The following HFM1 variants were observed in gnomAD, a reference collection of about 807,000 sequenced individuals.
HFM1 encodes probable ATP-dependent DNA helicase HFM1.
In HFM1, 169 loss-of-function variants were observed where a neutral mutation model predicts 192.1. That is an observed-to-expected ratio of 0.88 (90% CI 0.78 to 1.00). HFM1 has a LOEUF of 1.00. Among genes scored for constraint, HFM1 ranks in the 50% least tolerant of loss-of-function variants. The pLI, the probability that HFM1 is intolerant of heterozygous loss-of-function variation, is 0.00. For missense variants in HFM1, 1,661 were observed against 1,668.0 expected (o/e 1.00, Z 0.07); for synonymous variants, 525 against 537.8 (o/e 0.98, Z 0.33).
chr1:91,344,666 G>GCA (rs1655872081), intron 19 of HFM1, among the ~76,000 whole-genome samples: 1 of 748 alleles, frequency 1.3e-3, no homozygotes, highest in Admixed American at 0.02. Flanking sequence ...GAATGACTGT[G>GCA]TAATTTTAAA....
intron 13 of HFM1, among the ~76,000 whole-genome samples, chr1:91,364,918 C>A (rs1040217752): frequency 6.6e-6 from 1 of 151,806 alleles, no homozygotes; most frequent in African/African-American, 2.4e-5. Flanking sequence ...CAGGCGTGAG[C>A]CACCGCGCCT....
intron 30 of HFM1, among the ~76,000 whole-genome samples, chr1:91,286,918 G>T (rs9660037): frequency 0.096 from 14,611 of 152,198 alleles, 738 homozygotes; most frequent in East Asian, 0.16. Flanking sequence ...CTGGAAAATT[G>T]GGTCACTCCC....
In HFM1 at chr1:91,353,169, T is replaced by C. The variant is rs1557898993; in HGVS notation, c.1730-17A>G. 2 of 1,571,874 alleles carry C rather than the reference T, an allele frequency of 1.3e-6. No individual in the cohort carries two copies. Among genetic ancestry groups the C allele is most frequent in the Non-Finnish European group, 1.7e-6 (2 of 1,143,244 alleles). On this transcript the variant is annotated splice_polypyrimidine_tract_variant and intron_variant, in intron 14 of 38. Transcript: ENST00000370425. ...TTAAGATATCTGTAATAGAAATATA[T>C]CAGCTGTTACTATTAATATTTCATC...
At chr1:91,384,421 A>G (rs1229661439) in intron 6 of HFM1, among the ~76,000 whole-genome samples, 1 of 152,156 alleles carries the variant, frequency 6.6e-6, no homozygotes, top group East Asian at 1.9e-4. Flanking sequence ...AAATATTTAC[A>G]CTGGAAATGT....
Position 91,329,494 on chromosome 1 carries a change from C to A in HFM1, c.2336-4728G>T. 4 of 1,548,312 alleles carry A rather than the reference C, an allele frequency of 2.6e-6. No individual in the cohort carries two copies. In the South Asian group the frequency reaches 3.5e-5, roughly 14 times the overall value. Reference sequence around the variant, plus strand: ...AAGAAGAAGGCAAAGACTGGGGCAGCAAGGAAGTTTAAAAGGGGAAAATAA... The same window carrying A: ...AAGAAGAAGGCAAAGACTGGGGCAGAAAGGAAGTTTAAAAGGGGAAAATAA... On this transcript the variant is annotated intron_variant, in intron 20 of 38. Coordinates refer to ENST00000370425, the MANE Select transcript of HFM1 (RefSeq NM_001017975.6).
chr1:91,399,379 AT>A (rs967680990), intron 2 of HFM1, among the ~76,000 whole-genome samples: 1 of 152,116 alleles, frequency 6.6e-6, no homozygotes, highest in Non-Finnish European at 1.5e-5. Flanking sequence ...CTACAGTTTT[AT>A]TTTTACGTCC....
intron 34 of HFM1, among the ~76,000 whole-genome samples, chr1:91,270,418 GAT>G (rs1666172513): frequency 6.6e-6 from 1 of 152,050 alleles, no homozygotes; most frequent in Non-Finnish European, 1.5e-5. Flanking sequence ...CTGTTAGGTG[GAT>G]ATGTCCAGGA....
chr1:91,284,239 ATAT>A (rs1260093183), intron 30 of HFM1, among the ~76,000 whole-genome samples: 62 of 150,686 alleles, frequency 4.1e-4, no homozygotes, highest in African/African-American at 1.1e-3. Flanking sequence ...TATTATTATT[ATAT>A]TATTATTATT....
rs372526680 is a variant in HFM1, at chr1:91,294,249, G to GA, written c.3392-17188dup. Among the ~76,000 whole-genome samples, 391 of 145,676 alleles carry GA rather than the reference G, an allele frequency of 2.7e-3. 1 individual carries two copies. The highest frequency in any genetic ancestry group is 8.7e-3 in the African/African-American group (348 of 39,810). ...TCAAAATAAAATAATGCCAAAGAAGGAAAAAAAAAAGATCACATTCACAGG... is the reference window on the plus strand; with the variant it reads ...TCAAAATAAAATAATGCCAAAGAAGGAAAAAAAAAAAGATCACATTCACAGG... On this transcript the variant is annotated intron_variant, in intron 30 of 38. Transcript: ENST00000370425.
At position 91,350,865 on chromosome 1, in the gene HFM1, G is replaced by A. The variant is rs777253669; in HGVS notation, c.2079C>T (p.His693=). ...ACRDTVESSL[H]RHLIEHLNAE... is the part of the protein sequence containing the mutation. ...CATTTAAATGTTCAATAAGATGTCT[G>A]TGCAAACTAATGAAAAAAAACTTTG... Residue 693 remains histidine, a synonymous_variant, in exon 18 of 39, where the codon CAC becomes CAT. Transcript: ENST00000370425. 3.2e-6 allele frequency: 5 copies of A among 1,569,748 alleles called. No homozygotes were observed. In the South Asian group the frequency reaches 3.6e-5, roughly 11 times the overall value.
intron 30 of HFM1, among the ~76,000 whole-genome samples, chr1:91,307,495 C>A (rs1649802630): frequency 1.3e-5 from 2 of 152,168 alleles, no homozygotes; most frequent in Admixed American, 1.3e-4. Context: ...CTCTGTTACC[C>A]AGGCTGGAGT....
At chr1:91,332,213 A>C (rs781496067) in intron 20 of HFM1, among the ~76,000 whole-genome samples, 10 of 152,206 alleles carry the variant, frequency 6.6e-5, no homozygotes, top group Non-Finnish European at 1.2e-4. Flanking sequence ...TATACTACAG[A>C]GCTATAGTAA....
chr1:91,314,200 T>C (rs1164467075), intron 28 of HFM1, 140 bp from the exon 29 acceptor site: 6 of 531,898 alleles, frequency 1.1e-5, no homozygotes, highest in African/African-American at 1.9e-5. Context: ...TCCCCAACTT[T>C]TAAGGAGGGA....
intron 21 of HFM1, among the ~76,000 whole-genome samples, chr1:91,323,449 T>C (rs577040459): frequency 1.3e-5 from 2 of 152,284 alleles, no homozygotes; most frequent in Admixed American, 1.3e-4. Flanking sequence ...AATAAAACTT[T>C]AAAGATTAAC....
chr1:91,401,195 TCC>T, intron 1 of HFM1, 86 bp from the exon 2 acceptor site: 1 of 638,880 alleles, frequency 1.6e-6, no homozygotes, highest in South Asian at 2.0e-5. Context: ...TTCCACAGTC[TCC>T]TGTAAAATAT....
intron 36 of HFM1, among the ~76,000 whole-genome samples, chr1:91,265,203 T>G (rs1570709573): frequency 6.6e-6 from 1 of 152,308 alleles, no homozygotes; most frequent in Middle Eastern, 3.4e-3. Flanking sequence ...TCTCACTGCC[T>G]ACCATACAGG....
intron 11 of HFM1, among the ~76,000 whole-genome samples, chr1:91,376,992 A>ACT (rs1660981706): frequency 6.6e-6 from 1 of 151,786 alleles, no homozygotes; most frequent in South Asian, 2.1e-4. Context: ...GAAATAACTT[A>ACT]ATCTTCCATT....
At chr1:91,282,566 G>A (rs1438711582) in intron 30 of HFM1, among the ~76,000 whole-genome samples, 1 of 151,972 alleles carries the variant, frequency 6.6e-6, no homozygotes, top group African/African-American at 2.4e-5. Context: ...TCACCTATGA[G>A]AAAATTAATT....
chr1:91,277,907 A>ATT (rs1557767563), intron 30 of HFM1, among the ~76,000 whole-genome samples: 1 of 133,134 alleles, frequency 7.5e-6, no homozygotes, highest in African/African-American at 2.8e-5. Flanking sequence ...GCTTATATAT[A>ATT]ATATATACAC....
Sources: gnomAD v4.1 joint callset for allele counts (sites outside exome capture counted in the v4.1 genomes callset) on GRCh38, gnomAD v4.1.1 for gene constraint, MANE v1.5 for transcripts, NCBI Gene and HGNC (gene_info 2026-07-23, HGNC 2026-07-21) for gene names.